Variants in RNF150 observed in about 807,000 individuals in gnomAD.
The protein encoded by RNF150 is ring finger protein 150.
RNF150 carries 24 observed loss-of-function variants against 39.3 expected under a neutral mutation model. The ratio of observed to expected loss-of-function variants is 0.61; its 90% CI spans 0.44 to 0.86. RNF150 has a LOEUF of 0.86. Among genes scored for constraint, RNF150 ranks in the 40% least tolerant of loss-of-function variants. The probability of loss-of-function intolerance (pLI) is 0.00; values close to 1 mark genes in which losing one functional copy is unlikely to be tolerated. For missense variants in RNF150, 502 were observed against 587.8 expected, an observed-to-expected ratio of 0.85 and a Z score of 1.51; for synonymous variants, 255 against 227.3, an observed-to-expected ratio of 1.12 and a Z score of -1.10.
intron 6 of RNF150, among the ~76,000 whole-genome samples, chr4:140,898,259 A>C (rs1301047908): frequency 7.0e-6 from 1 of 143,264 alleles, no homozygotes; most frequent in Non-Finnish European, 1.5e-5. Flanking sequence ...GGTTCACTTA[A>C]CAAAAAAAAT....
At chr4:140,979,231 T>G (rs1240417600) in intron 1 of RNF150, among the ~76,000 whole-genome samples, 1 of 152,150 alleles carries the variant, frequency 6.6e-6, no homozygotes, top group Non-Finnish European at 1.5e-5. Context: ...TGTTCAAGGT[T>G]CAACTGTACA....
chr4:141,119,545 T>C (rs1454832010), intron 1 of RNF150, among the ~76,000 whole-genome samples: 1 of 152,206 alleles, frequency 6.6e-6, no homozygotes, highest in Admixed American at 6.5e-5. Flanking sequence ...ATCCATTCTG[T>C]TATCTATAGA....
chr4:141,089,490 C>T (rs1738496300), intron 1 of RNF150, among the ~76,000 whole-genome samples: 1 of 152,146 alleles, frequency 6.6e-6, no homozygotes, highest in African/African-American at 2.4e-5. Context: ...CGAAAACTTA[C>T]GACTTGTGTC....
At chr4:141,198,298 A>T (rs1263703748) in intron 1 of RNF150, among the ~76,000 whole-genome samples, 1 of 152,146 alleles carries the variant, frequency 6.6e-6, no homozygotes, top group Non-Finnish European at 1.5e-5. Flanking sequence ...AAGTGCAGGG[A>T]TTACAGCCAT....
Position 140,956,747 on chromosome 4 carries a change from A to G in RNF150, c.736-7375T>C, listed in dbSNP as rs1221184686. Among the ~76,000 whole-genome samples the G allele has an allele frequency of 3.3e-5, 5 of 152,308 alleles. No individual in the cohort carries two copies. In the East Asian group the frequency reaches 9.6e-4, roughly 29 times the overall value. ...ACAGAACAGAGCCCTCAGAAATAAC[A>G]CCACATATCTACAACTACCTAATCT... On this transcript the variant is annotated intron_variant, in intron 2 of 6. Coordinates refer to ENST00000515673, the MANE Select transcript of RNF150 (RefSeq NM_020724.2).
intron 1 of RNF150, among the ~76,000 whole-genome samples, chr4:141,058,163 G>A (rs1737065283): frequency 6.6e-6 from 1 of 151,758 alleles, no homozygotes; most frequent in Non-Finnish European, 1.5e-5. Flanking sequence ...CTCATATATT[G>A]GAATTGTGTT....
At chr4:141,020,309 C>A (rs1735444969) in intron 1 of RNF150, among the ~76,000 whole-genome samples, 1 of 152,128 alleles carries the variant, frequency 6.6e-6, no homozygotes, top group African/African-American at 2.4e-5. Context: ...TACACACATG[C>A]ACACATGCAA....
At chr4:141,113,002 C>A (rs1388022593) in intron 1 of RNF150, among the ~76,000 whole-genome samples, 2 of 151,948 alleles carry the variant, frequency 1.3e-5, no homozygotes, top group Non-Finnish European at 2.9e-5. Context: ...AACCTTTCTT[C>A]CGCTTGATCT....
Position 140,932,394 on chromosome 4 carries a change from T to G in RNF150, c.891-6321A>C, listed in dbSNP as rs72935369. 7.7e-3 allele frequency among the ~76,000 whole-genome samples: 1,179 copies of G among 152,288 alleles called. 17 individuals carry two copies. The highest frequency in any genetic ancestry group is 0.026 in the African/African-American group (1,060 of 41,554). Reference sequence around the variant, plus strand: ...ACATAATTAAATCACAAAAGCCCTATGAAGTAGAAATTATTATTTCTGTCT... The same window carrying G: ...ACATAATTAAATCACAAAAGCCCTAGGAAGTAGAAATTATTATTTCTGTCT... On this transcript the variant is annotated intron_variant, in intron 4 of 6. Coordinates refer to ENST00000515673, the MANE Select transcript of RNF150 (RefSeq NM_020724.2).
At chr4:141,041,587 A>G (rs535138955) in intron 1 of RNF150, among the ~76,000 whole-genome samples, 2 of 152,222 alleles carry the variant, frequency 1.3e-5, no homozygotes, top group East Asian at 3.9e-4. Flanking sequence ...ATCTCTGACC[A>G]GGAGGAGAAT....
At chr4:140,878,795 A>C (rs779731438) in intron 6 of RNF150, among the ~76,000 whole-genome samples, 2 of 152,180 alleles carry the variant, frequency 1.3e-5, no homozygotes, top group African/African-American at 2.4e-5. Flanking sequence ...TTGCCTGTGC[A>C]TTTGGTGTCA....
intron 2 of RNF150, among the ~76,000 whole-genome samples, chr4:140,960,736 A>G (rs539457235): frequency 9.9e-5 from 15 of 152,260 alleles, no homozygotes; most frequent in African/African-American, 3.6e-4. Context: ...ATTTTGTTTC[A>G]AAGTGTGTCA....
intron 1 of RNF150, among the ~76,000 whole-genome samples, chr4:141,037,985 C>G (rs1291972708): frequency 6.6e-6 from 1 of 152,112 alleles, no homozygotes; most frequent in African/African-American, 2.4e-5. Flanking sequence ...TGTTTATTCA[C>G]TAAGTTAGTC....
intron 6 of RNF150, among the ~76,000 whole-genome samples, chr4:140,882,306 A>G (rs1397932926): frequency 6.6e-6 from 1 of 152,198 alleles, no homozygotes; most frequent in Non-Finnish European, 1.5e-5. Flanking sequence ...GGTGTGAGCC[A>G]CTCAATCTTC....
intron 6 of RNF150, among the ~76,000 whole-genome samples, chr4:140,889,493 G>C (rs180852903): frequency 7.7e-4 from 117 of 152,174 alleles, no homozygotes; most frequent in Admixed American, 1.8e-3. Flanking sequence ...CCCAATCATT[G>C]ATTCAAAAGT....
intron 1 of RNF150, among the ~76,000 whole-genome samples, chr4:141,062,409 A>G (rs535432993): frequency 1.3e-5 from 2 of 152,306 alleles, no homozygotes; most frequent in South Asian, 4.1e-4. Flanking sequence ...ACGCACATAC[A>G]GTAGCAAGTC....
intron 2 of RNF150, among the ~76,000 whole-genome samples, chr4:140,957,151 A>G (rs1055008082): frequency 2.0e-5 from 3 of 151,742 alleles, no homozygotes; most frequent in African/African-American, 7.3e-5. Flanking sequence ...TTCGCAACCT[A>G]CTCATCTGAC....
intron 4 of RNF150, among the ~76,000 whole-genome samples, chr4:140,935,046 A>T (rs9992628): frequency 0.011 from 1,063 of 93,580 alleles, 13 homozygotes; most frequent in Middle Eastern, 0.035. Flanking sequence ...TATATATATA[A>T]ATATATATAT....
At chr4:141,066,671 A>G (rs1328879692) in intron 1 of RNF150, among the ~76,000 whole-genome samples, 1 of 152,234 alleles carries the variant, frequency 6.6e-6, no homozygotes, top group Non-Finnish European at 1.5e-5. Flanking sequence ...CCCAAACACT[A>G]AAGATACACA....
Sources: allele counts gnomAD v4.1 joint callset (sites outside exome capture counted in the v4.1 genomes callset), GRCh38; gene constraint gnomAD v4.1.1; transcripts MANE v1.5; gene names NCBI Gene and HGNC (gene_info 2026-07-23, HGNC 2026-07-21).